Variants in SLIT1 observed in about 807,000 individuals in gnomAD.
SLIT1 encodes slit homolog 1 protein.
Under a neutral mutation model 186.1 loss-of-function variants are expected in SLIT1, and 66 were observed. That is an observed-to-expected ratio of 0.35 (90% CI 0.29 to 0.44). The LOEUF (loss-of-function observed/expected upper bound fraction) is 0.44. SLIT1 is among the 20% of genes least tolerant of loss of function. The pLI is 1.00. For missense variants in SLIT1, 1,638 were observed against 2,037.4 expected (o/e 0.80, Z 3.77); for synonymous variants, 761 against 833.8 (o/e 0.91, Z 1.50).
intron 4 of SLIT1, among the ~76,000 whole-genome samples, chr10:97,110,888 C>A (rs1419202159): frequency 6.6e-6 from 1 of 152,222 alleles, no homozygotes; most frequent in Non-Finnish European, 1.5e-5. Context: ...ATCAAAAAAT[C>A]ATTTCTAAAG....
chr10:97,006,744 G>A lies in SLIT1; in HGVS notation c.3342-24C>T. The A allele has an allele frequency of 6.5e-7, 1 of 1,545,658 alleles. No individual in the cohort carries two copies. Among genetic ancestry groups the A allele is most frequent in the Non-Finnish European group, 8.9e-7 (1 of 1,118,728 alleles). On this transcript the variant is annotated intron_variant, in intron 31 of 36. Coordinates refer to ENST00000266058, the MANE Select transcript of SLIT1 (RefSeq NM_003061.3). This position sits in a 1 kb window ranked among gnomAD's most constrained non-coding sequence, Gnocchi z 4.0. ...CACTGAGAGGAAAGGACATAAGTCA[G>A]AGAGGGCCAAGGAGGAAGGGAGTAT... is the stretch of plus-strand genomic sequence containing the variant.
intron 11 of SLIT1, among the ~76,000 whole-genome samples, chr10:97,059,205 G>A (rs1053173268): frequency 6.6e-6 from 1 of 152,232 alleles, no homozygotes; most frequent in Admixed American, 6.5e-5. Flanking sequence ...CAGTTGCCAG[G>A]GGCAACAGCT....
chr10:97,047,290 A>G (rs895739970), intron 16 of SLIT1, among the ~76,000 whole-genome samples: 1 of 152,274 alleles, frequency 6.6e-6, no homozygotes, highest in East Asian at 1.9e-4. Flanking sequence ...ACAGACGTAA[A>G]TGACAGATGC....
intron 4 of SLIT1, among the ~76,000 whole-genome samples, chr10:97,112,467 C>T (rs1427139658): frequency 6.6e-6 from 1 of 152,196 alleles, no homozygotes; most frequent in Admixed American, 6.5e-5. Context: ...CCCAGGACCA[C>T]ATAAAGCAAT....
chr10:97,056,242 C>T, intron 13 of SLIT1, 79 bp downstream of exon 13: 1 of 1,509,816 alleles, frequency 6.6e-7, no homozygotes, highest in Non-Finnish European at 9.1e-7. Context: ...AGCCGGAGAG[C>T]TGCCTGTCCC....
intron 4 of SLIT1, among the ~76,000 whole-genome samples, chr10:97,093,993 A>G (rs552951781): frequency 6.6e-6 from 1 of 152,386 alleles, no homozygotes; most frequent in Admixed American, 6.5e-5. Flanking sequence ...AGTGAGTGCT[A>G]AAGAAACTAG....
In SLIT1 at chr10:97,013,738, C is replaced by T; in HGVS notation, c.3203+3G>A. 4 of 1,550,008 alleles carry T rather than the reference C, an allele frequency of 2.6e-6. No individual in the cohort carries two copies. Among genetic ancestry groups the T allele is most frequent in the Non-Finnish European group, 2.6e-6 (3 of 1,145,560 alleles). Reference sequence around the variant, plus strand: ...CCTGGCCCTGGAAAGGGGCAACACTCACCTGGGCCCATCCGGGGTGCCCAC... The same window carrying T: ...CCTGGCCCTGGAAAGGGGCAACACTTACCTGGGCCCATCCGGGGTGCCCAC... On this transcript the variant is annotated splice_donor_region_variant and intron_variant, in intron 30 of 36. Coordinates refer to ENST00000266058, the MANE Select transcript of SLIT1 (RefSeq NM_003061.3).
At chr10:97,012,220 T>C (rs1848418271) in intron 30 of SLIT1, among the ~76,000 whole-genome samples, 1 of 152,160 alleles carries the variant, frequency 6.6e-6, no homozygotes, top group South Asian at 2.1e-4. Flanking sequence ...GTTTCATCTT[T>C]TAATGTTAAT....
intron 4 of SLIT1, among the ~76,000 whole-genome samples, chr10:97,123,450 G>A (rs532117080): frequency 6.6e-5 from 10 of 152,114 alleles, no homozygotes; most frequent in East Asian, 1.9e-4. Flanking sequence ...TGTCTGAACC[G>A]TCCTCAAACA....
chr10:97,061,190 A>G (rs1848891083), intron 8 of SLIT1, among the ~76,000 whole-genome samples: 1 of 152,244 alleles, frequency 6.6e-6, no homozygotes. Context: ...TGCTATAATA[A>G]GTGCACTACA....
chr10:97,110,372 C>A (rs1467894749), intron 4 of SLIT1, among the ~76,000 whole-genome samples: 1 of 152,174 alleles, frequency 6.6e-6, no homozygotes, highest in Non-Finnish European at 1.5e-5. Flanking sequence ...GAAGCACCTG[C>A]CAGGATGTTC....
chr10:97,178,958 C>T (rs1204023537), intron 1 of SLIT1, among the ~76,000 whole-genome samples: 1 of 152,136 alleles, frequency 6.6e-6, no homozygotes, highest in Non-Finnish European at 1.5e-5. Context: ...AATCGTCGCC[C>T]CTCAGGGGGT....
intron 4 of SLIT1, among the ~76,000 whole-genome samples, chr10:97,073,004 A>C (rs1849013734): frequency 6.6e-6 from 1 of 152,228 alleles, no homozygotes; most frequent in Admixed American, 6.5e-5. Flanking sequence ...AGCAACCCTA[A>C]GGCTCTGTTG....
In SLIT1 at chr10:97,010,265, A is replaced by G. The variant is rs557295120; in HGVS notation, c.3341+728T>C. On this transcript the variant is annotated intron_variant, in intron 31 of 36. Coordinates refer to ENST00000266058, the MANE Select transcript of SLIT1 (RefSeq NM_003061.3). This position sits in a 1 kb window ranked among gnomAD's most constrained non-coding sequence, Gnocchi z 4.8. ...AGTGCCGACACATGTTACCACACGG[A>G]TGAACCTCAAAACATGATGCTGAGT... Among the ~76,000 whole-genome samples, 51 of 152,360 alleles carry G rather than the reference A, an allele frequency of 3.3e-4. No homozygotes were observed. Among genetic ancestry groups the G allele is most frequent in the African/African-American group, 1.2e-3 (50 of 41,588 alleles).
chr10:97,156,448 C>T (rs1384860605), intron 4 of SLIT1, among the ~76,000 whole-genome samples: 1 of 152,088 alleles, frequency 6.6e-6, no homozygotes, highest in Non-Finnish European at 1.5e-5. Flanking sequence ...CATGGTAGTG[C>T]ATACCTGTAG....
intron 4 of SLIT1, among the ~76,000 whole-genome samples, chr10:97,097,447 G>T (rs540150754): frequency 9.8e-5 from 15 of 152,328 alleles, no homozygotes; most frequent in Non-Finnish European, 1.9e-4. Context: ...GCACTAAAAG[G>T]TCACTTCATT....
At chr10:97,158,869 C>G (rs1849988556) in intron 3 of SLIT1, among the ~76,000 whole-genome samples, 1 of 151,192 alleles carries the variant, frequency 6.6e-6, no homozygotes, top group African/African-American at 2.4e-5. Context: ...GAGTGAGACT[C>G]TGTCTCAGAG....
chr10:97,127,086 C>T (rs867401786), intron 4 of SLIT1, among the ~76,000 whole-genome samples: 3 of 151,606 alleles, frequency 2.0e-5, no homozygotes, highest in South Asian at 4.2e-4. Context: ...GGCAGGAGAT[C>T]GAGACCATCC....
At chr10:97,083,882 A>ACCTCATTCTC (rs1319184186) in intron 4 of SLIT1, among the ~76,000 whole-genome samples, 4 of 152,094 alleles carry the variant, frequency 2.6e-5, no homozygotes, top group African/African-American at 9.7e-5. Context: ...GAGAATGAAG[A>ACCTCATTCTC]GTGTGGTGGG....
Sources: gnomAD v4.1 joint callset for allele counts (sites outside exome capture counted in the v4.1 genomes callset) on GRCh38, gnomAD v4.1.1 for gene constraint, Gnocchi (gnomAD v3.1) non-coding constraint, MANE v1.5 for transcripts, NCBI Gene and HGNC (gene_info 2026-07-23, HGNC 2026-07-21) for gene names.